Variants in ALDH16A1 observed in about 807,000 individuals in gnomAD.
ALDH16A1 encodes aldehyde dehydrogenase family 16 member A1.
In ALDH16A1, 88 loss-of-function variants were observed where a neutral mutation model predicts 96.1. The observed-to-expected ratio is 0.92, with a 90% CI of 0.77 to 1.09. The LOEUF (loss-of-function observed/expected upper bound fraction) is 1.09. Among genes scored for constraint, ALDH16A1 ranks in the 50% least tolerant of loss-of-function variants. The pLI is 0.00. For synonymous variants in ALDH16A1, 522 were observed against 496.4 expected (o/e 1.05, Z -0.69); for missense variants, 1,250 against 1,112.6 (o/e 1.12, Z -1.76).
Position 49,459,194 on chromosome 19 carries a change from T to G in ALDH16A1, c.320+108T>G, listed in dbSNP as rs2079123328. The G allele has an allele frequency of 6.7e-7, 1 of 1,492,724 alleles. No homozygotes were observed. The highest frequency in any genetic ancestry group is 1.4e-5 in the African/African-American group (1 of 71,944). 92.5% of individuals were successfully genotyped at this position (1,492,724 alleles called of 1,614,324 possible). On this transcript the variant is annotated intron_variant, in intron 3 of 16. Transcript: ENST00000293350. This position sits in a 1 kb window ranked among gnomAD's most constrained non-coding sequence, Gnocchi z 4.1. ...AGATCCCACTGAATTAATTTGCAGC[T>G]AAGGCTCAGATTCCCAGTATGTGCT...
chr19:49,462,044 C>T lies in ALDH16A1; in HGVS notation c.912+8C>T. The stretch of plus-strand genomic sequence containing the variant: ...TGGTCCGACCGCGGCCCGGTGAGAC[C>T]CGTGCGCTCCCGTCTCCTCATACCC... On this transcript the variant is annotated splice_region_variant and intron_variant, in intron 7 of 16. Coordinates refer to ENST00000293350, the MANE Select transcript of ALDH16A1 (RefSeq NM_153329.4). The T allele has an allele frequency of 6.5e-7, 1 of 1,537,076 alleles. No individual in the cohort carries two copies. Among genetic ancestry groups the T allele is most frequent in the Admixed American group, 2.0e-5 (1 of 49,734 alleles).
rs1339607933 is a variant in ALDH16A1 at position 49,468,698 on chromosome 19, C to T, written c.2124+132C>T. The T allele has an allele frequency of 7.3e-6, 10 of 1,378,668 alleles. No individual in the cohort carries two copies. Among genetic ancestry groups the T allele is most frequent in the Non-Finnish European group, 9.8e-6 (10 of 1,016,610 alleles). 85.4% of individuals were successfully genotyped at this position (1,378,668 alleles called of 1,614,324 possible). ...CCCATGCTGCCCCCAGCCCCAGCAC[C>T]CAAACCTTCACTCCTTGGGGACCCA... On this transcript the variant is annotated intron_variant, in intron 15 of 16. Coordinates refer to ENST00000293350, the MANE Select transcript of ALDH16A1 (RefSeq NM_153329.4). This position sits in a 1 kb window ranked among gnomAD's most constrained non-coding sequence, Gnocchi z 4.4.
At chr19:49,462,062 T>G in intron 7 of ALDH16A1, 26 bp downstream of exon 7, 1 of 1,521,188 alleles carries the variant, frequency 6.6e-7, no homozygotes, top group Non-Finnish European at 8.8e-7. Context: ...TCCCGTCTCC[T>G]CATACCCTGG....
Position 49,464,421 on chromosome 19 carries a change from C to T in ALDH16A1, c.1336C>T (p.Gln446Ter). The T allele has an allele frequency of 1.3e-6, 2 of 1,599,894 alleles. No individual in the cohort carries two copies. Among genetic ancestry groups the T allele is most frequent in the Non-Finnish European group, 1.7e-6 (2 of 1,173,510 alleles). Residue 446 changes from glutamine (Q) to a stop codon, truncating the protein, a stop_gained, in exon 11 of 17, where the codon CAG (glutamine) becomes TAG (stop). Coordinates refer to ENST00000293350, the MANE Select transcript of ALDH16A1 (RefSeq NM_153329.4). LOFTEE classifies it high-confidence loss of function. Reference sequence around the variant, plus strand: ...ACACCTTCATCTTCCCCACAGGCTCCAGGTGGGCACTGTCTGGATCAACGC... The same window carrying T: ...ACACCTTCATCTTCCCCACAGGCTCTAGGTGGGCACTGTCTGGATCAACGC... The part of the protein sequence containing the change: ...GQALELGYGL[Q>*]VGTVWINAHG...
rs200276025 is a variant in ALDH16A1, at chr19:49,462,695, G to T, written c.1038G>T (p.Gly346=). The T allele has an allele frequency of 5.8e-5, 94 of 1,608,366 alleles. No homozygotes were observed. Among genetic ancestry groups the T allele is most frequent in the East Asian group, 5.8e-4 (26 of 44,762 alleles). Reference sequence around the variant, plus strand: ...GGGCCGTGGACATGGGGGCCCGGGGGGCTGCCGCATGTGACCTGGTCCAGC... The same window carrying T: ...GGGCCGTGGACATGGGGGCCCGGGGTGCTGCCGCATGTGACCTGGTCCAGC... ...LDGAVDMGAR[G]AAACDLVQRF... is the part of the protein sequence containing the mutation. The change falls in exon 8 of 17, where the codon GGG becomes GGT. Residue 346 remains glycine (G), a synonymous_variant. Coordinates refer to ENST00000293350, the MANE Select transcript of ALDH16A1 (RefSeq NM_153329.4).
intron 5 of ALDH16A1, among the ~76,000 whole-genome samples, chr19:49,461,148 T>C (rs1319596961): frequency 1.2e-4 from 15 of 124,318 alleles, no homozygotes; most frequent in East Asian, 1.0e-3. Context: ...GGGGCTGGAG[T>C]CTGGACTCCT....
chr19:49,458,946 A>AC lies in ALDH16A1; in HGVS notation c.194-13dup. On this transcript the variant is annotated splice_polypyrimidine_tract_variant and intron_variant, in intron 2 of 16. Transcript: ENST00000293350. ...CTACTCCTCCCATCTGAGTCCCCCC[A>AC]CTTTTCTCCCCAGGAGAGAACTTGG... The AC allele has an allele frequency of 6.2e-7, 1 of 1,606,494 alleles. No individual in the cohort carries two copies.
At position 49,453,341 on chromosome 19, in the gene ALDH16A1, A is replaced by G. The variant is rs1434595426; in HGVS notation, c.10A>G (p.Thr4Ala). The part of the protein sequence containing the change: MAA[T>A]RAGPRAREIF... ...GCGTTCGGGGTAGGCGATGGCTGCG[A>G]CGCGTGCAGGGCCCCGCGCCCGCGA... The change falls in exon 1 of 17, where the codon ACG becomes GCG. Residue 4 changes from threonine to alanine, a missense_variant. By Grantham distance (58) the Thr-to-Ala change is moderately conservative. Coordinates refer to ENST00000293350, the MANE Select transcript of ALDH16A1 (RefSeq NM_153329.4). 4 of 1,545,184 alleles carry G rather than the reference A, an allele frequency of 2.6e-6. No individual in the cohort carries two copies. The highest frequency in any genetic ancestry group is 2.6e-6 in the Non-Finnish European group (3 of 1,147,526).
At chr19:49,460,183 G>T (rs2079130345) in intron 4 of ALDH16A1, among the ~76,000 whole-genome samples, 1 of 151,800 alleles carries the variant, frequency 6.6e-6, no homozygotes, top group Non-Finnish European at 1.5e-5. Context: ...AAAGTGCTGG[G>T]ATTACAGGCA....
chr19:49,465,667 A>G (rs1326875579), intron 12 of ALDH16A1, 71 bp from the exon 13 acceptor site: 3 of 1,504,286 alleles, frequency 2.0e-6, no homozygotes, highest in Non-Finnish European at 2.7e-6. Flanking sequence ...CAGTCTTCCC[A>G]GTGCGGTAGA....
chr19:49,470,014 C>T (rs1188739289), intron 16 of ALDH16A1: 1 of 306,142 alleles, frequency 3.3e-6, no homozygotes, highest in African/African-American at 2.2e-5. Flanking sequence ...CCGCGCCCCA[C>T]CGTCCACTCT....
At chr19:49,460,382 C>T (rs1172361560) in intron 4 of ALDH16A1, among the ~76,000 whole-genome samples, 4 of 151,932 alleles carry the variant, frequency 2.6e-5, no homozygotes, top group Non-Finnish European at 5.9e-5. Context: ...GGACTACGAC[C>T]ATGCACCACC....
Position 49,463,888 on chromosome 19 carries a change from C to T in ALDH16A1, c.1133C>T (p.Pro378Leu). Residue 378 changes from proline to leucine, a missense_variant, in exon 9 of 17, where the codon CCA becomes CTA. By Grantham distance (98) the Pro-to-Leu change is moderately conservative. Coordinates refer to ENST00000293350, the MANE Select transcript of ALDH16A1 (RefSeq NM_153329.4). ...GCTGGTGATGTGCCTTCGGAACGCC[C>T]ATTCTATCCCCCAACCTTGGTCTCC... is the stretch of plus-strand genomic sequence containing the variant. Reference protein sequence around the residue: ...FQAGDVPSERPFYPPTLVSNL... With the variant: ...FQAGDVPSERLFYPPTLVSNL... The T allele has an allele frequency of 1.9e-6, 3 of 1,613,452 alleles. No homozygotes were observed. The highest frequency in any genetic ancestry group is 2.5e-6 in the Non-Finnish European group (3 of 1,179,618).
At chr19:49,456,018 A>T (rs1033313505) in intron 1 of ALDH16A1, among the ~76,000 whole-genome samples, 4 of 152,156 alleles carry the variant, frequency 2.6e-5, no homozygotes, top group African/African-American at 9.7e-5. Flanking sequence ...TGGGACCAAT[A>T]GCTCCTGTCT....
chr19:49,460,468 G>A (rs1010360888), intron 4 of ALDH16A1, among the ~76,000 whole-genome samples: 32 of 148,742 alleles, frequency 2.2e-4, no homozygotes, highest in Admixed American at 1.1e-3. Context: ...AGGCTGGAGT[G>A]CAGTGGTGCG....
chr19:49,470,647 T>TA lies in ALDH16A1; in HGVS notation c.*180_*181insA. Reference sequence around the variant, plus strand: ...ACTTCTGGCAGATATGAGGCTTTTTTCTTTTTTTTTTTTTTTTTTGAGACA... The same window carrying TA: ...ACTTCTGGCAGATATGAGGCTTTTTTACTTTTTTTTTTTTTTTTTTGAGACA... On this transcript the variant is annotated 3_prime_UTR_variant, in exon 17 of 17. Transcript: ENST00000293350. The TA allele has an allele frequency of 7.7e-5, 42 of 548,670 alleles. No individual in the cohort carries two copies. Among genetic ancestry groups the TA allele is most frequent in the Non-Finnish European group, 9.6e-5 (35 of 365,978 alleles). The allele number at this position is 548,670 out of a possible 1,614,324, so 34.0% of individuals were successfully genotyped here. A position where few individuals can be genotyped will look rare whatever the true frequency, so the allele number is the denominator to read the frequency against.
In ALDH16A1 at chr19:49,468,775, C is replaced by A. The variant is rs2079220979; in HGVS notation, c.2125-89C>A. On this transcript the variant is annotated intron_variant, in intron 15 of 16. Coordinates refer to ENST00000293350, the MANE Select transcript of ALDH16A1 (RefSeq NM_153329.4). The surrounding 1 kb of genome is among the most constrained non-coding windows in gnomAD (Gnocchi z 4.4). Reference sequence around the variant, plus strand: ...GGCTTTCTCCTCCATGACCCCCCATCCCCTTCCCTCCCATGGGCACCCCCT... The same window carrying A: ...GGCTTTCTCCTCCATGACCCCCCATACCCTTCCCTCCCATGGGCACCCCCT... 2.0e-6 allele frequency: 3 copies of A among 1,472,116 alleles called. No individual in the cohort carries two copies. Among genetic ancestry groups the A allele is most frequent in the Non-Finnish European group, 9.3e-7 (1 of 1,078,672 alleles). The allele number at this position is 1,472,116 out of a possible 1,614,324, so 91.2% of individuals were successfully genotyped here. A position where few individuals can be genotyped will look rare whatever the true frequency, so the allele number is the denominator to read the frequency against.
chr19:49,465,459 G>C (rs10423285), intron 12 of ALDH16A1, among the ~76,000 whole-genome samples: 4,137 of 149,828 alleles, frequency 0.028, 201 homozygotes, highest in African/African-American at 0.096. Flanking sequence ...GCAGAAACTT[G>C]AGTCATCCAG....
At position 49,468,146 on chromosome 19, in the gene ALDH16A1, T is replaced by C. The variant is rs1601043452; in HGVS notation, c.1939-235T>C. 2.1e-6 allele frequency: 1 copy of C among 468,562 alleles called. No individual in the cohort carries two copies. Among genetic ancestry groups the C allele is most frequent in the East Asian group, 3.6e-5 (1 of 27,676 alleles). The allele number at this position is 468,562 out of a possible 1,614,324, so 29.0% of individuals were successfully genotyped here. On this transcript the variant is annotated intron_variant, in intron 14 of 16. Coordinates refer to ENST00000293350, the MANE Select transcript of ALDH16A1 (RefSeq NM_153329.4). This position sits in a 1 kb window ranked among gnomAD's most constrained non-coding sequence, Gnocchi z 4.4. ...CTGCACTCTAGCCAGGGCGACAGAGTGAGAGTCCGTCTCAAAAAAAAAAAA... is the reference window on the plus strand; with the variant it reads ...CTGCACTCTAGCCAGGGCGACAGAGCGAGAGTCCGTCTCAAAAAAAAAAAA...
Sources: gnomAD v4.1 joint callset for allele counts (sites outside exome capture counted in the v4.1 genomes callset) on GRCh38, gnomAD v4.1.1 for gene constraint, Gnocchi (gnomAD v3.1) non-coding constraint, MANE v1.5 for transcripts, NCBI Gene and HGNC (gene_info 2026-07-23, HGNC 2026-07-21) for gene names.